The following KRIT1 variants were observed in gnomAD, a reference collection of about 807,000 sequenced individuals.
The protein encoded by KRIT1 is KRIT1 ankyrin repeat containing, also known as krev interaction trapped protein 1.
A neutral mutation model predicts 95.8 loss-of-function variants in KRIT1; 45 were observed. That is an observed-to-expected ratio of 0.47 (90% CI 0.37 to 0.60). KRIT1 has a LOEUF of 0.60. Ranked by LOEUF, KRIT1 falls within the 20% of genes least tolerant of loss-of-function variation. The pLI, the probability that KRIT1 is intolerant of heterozygous loss-of-function variation, is 0.00. For missense variants in KRIT1, 788 were observed against 877.5 expected (o/e 0.90, Z 1.29); for synonymous variants, 282 against 278.8 (o/e 1.01, Z -0.11).
rs1667569438 is a variant in KRIT1 at position 92,199,924 on chromosome 7, C to G, written c.*812G>C. On this transcript the variant is annotated 3_prime_UTR_variant, in exon 19 of 19. Transcript: ENST00000394505. Reference sequence around the variant, plus strand: ...TACTTTGAGAAACACTACTGTATATCAGATTTACATTTTAACTAAGACTTT... The same window carrying G: ...TACTTTGAGAAACACTACTGTATATGAGATTTACATTTTAACTAAGACTTT... 6.6e-6 allele frequency: 1 copy of G among 152,140 alleles called. No homozygotes were observed. Among genetic ancestry groups the G allele is most frequent in the Non-Finnish European group, 1.5e-5 (1 of 68,028 alleles). 9.4% of individuals were successfully genotyped at this position (152,140 alleles called of 1,614,324 possible).
At position 92,241,124 on chromosome 7, in the gene KRIT1, C is replaced by T. The variant is rs1421882812; in HGVS notation, c.131G>A (p.Gly44Glu). The change falls in exon 5 of 19, where the codon GGA (glycine) becomes GAA (glutamate). Residue 44 changes from glycine to glutamate, a missense_variant. Coordinates refer to ENST00000394505, the MANE Select transcript of KRIT1 (RefSeq NM_194454.3). Reference protein sequence around the residue: ...EILLHEVPIEGQKKKRKKVLL... With the variant: ...EILLHEVPIEEQKKKRKKVLL... ...AACTTTCTTTCTCTTTTTTTTCTGTCCTTCAATGGGAACTTCATGCAACAA... is the reference window on the plus strand; with the variant it reads ...AACTTTCTTTCTCTTTTTTTTCTGTTCTTCAATGGGAACTTCATGCAACAA... 1 of 1,610,360 alleles carries T rather than the reference C, an allele frequency of 6.2e-7. No homozygotes were observed. The highest frequency in any genetic ancestry group is 8.5e-7 in the Non-Finnish European group (1 of 1,177,216).
intron 4 of KRIT1, 96 bp downstream of exon 4, chr7:92,241,936 TTA>T (rs1563324646): frequency 4.0e-6 from 3 of 748,550 alleles, no homozygotes; most frequent in Admixed American, 2.2e-5. Flanking sequence ...AATTGGCTTG[TTA>T]ATACAACTTT....
intron 11 of KRIT1, 116 bp from the exon 12 acceptor site, chr7:92,225,943 A>G: frequency 4.5e-6 from 3 of 668,282 alleles, no homozygotes; most frequent in Middle Eastern, 3.1e-4. Context: ...CAAGTACTAA[A>G]GTAAATATTA....
rs1219681326 is a variant in KRIT1 at position 92,245,143 on chromosome 7, A to G, written c.-392T>C. 6.6e-6 allele frequency: 1 copy of G among 152,188 alleles called. No individual in the cohort carries two copies. The highest frequency in any genetic ancestry group is 1.5e-5 in the Non-Finnish European group (1 of 68,062). The allele number at this position is 152,188 out of a possible 1,614,324, so 9.4% of individuals were successfully genotyped here. A position where few individuals can be genotyped will look rare whatever the true frequency, so the allele number is the denominator to read the frequency against. On this transcript the variant is annotated 5_prime_UTR_variant, in exon 2 of 19. An upstream start codon of the reference 5' UTR is lost. Coordinates refer to ENST00000394505, the MANE Select transcript of KRIT1 (RefSeq NM_194454.3). Reference sequence around the variant, plus strand: ...AAAGACTTCTGGTGAGGCTAAAAACATGTAGAAAAAGCGATGAAAGCCAAA... The same window carrying G: ...AAAGACTTCTGGTGAGGCTAAAAACGTGTAGAAAAAGCGATGAAAGCCAAA...
At chr7:92,239,493 A>G (rs1799131078) in intron 5 of KRIT1, among the ~76,000 whole-genome samples, 1 of 152,174 alleles carries the variant, frequency 6.6e-6, no homozygotes, top group Admixed American at 6.5e-5. Context: ...TTATCAGAGA[A>G]GTCCAAGACT....
At chr7:92,201,618 G>A (rs1790166023) in intron 17 of KRIT1, 195 bp from the exon 18 acceptor site, 2 of 533,660 alleles carry the variant, frequency 3.7e-6, no homozygotes, top group East Asian at 6.8e-5. Flanking sequence ...CACATGCCAT[G>A]GTGGTTTGCT....
At chr7:92,235,011 A>C in intron 8 of KRIT1, 88 bp from the exon 9 acceptor site, 1 of 726,188 alleles carries the variant, frequency 1.4e-6, no homozygotes. Flanking sequence ...TTACTTATTT[A>C]TTTATTGAGA....
At chr7:92,218,580 A>G (rs952354766) in intron 14 of KRIT1, among the ~76,000 whole-genome samples, 6 of 151,688 alleles carry the variant, frequency 4.0e-5, no homozygotes, top group Non-Finnish European at 8.8e-5. Flanking sequence ...AAGTCTCACT[A>G]TGTTGCCCAG....
intron 3 of KRIT1, among the ~76,000 whole-genome samples, chr7:92,242,397 T>C (rs1799879997): frequency 6.6e-6 from 1 of 152,236 alleles, no homozygotes; most frequent in African/African-American, 2.4e-5. Context: ...GTATTTCTTT[T>C]TTCATTTTAA....
chr7:92,225,941 A>G, intron 11 of KRIT1, 114 bp from the exon 12 acceptor site: 2 of 674,604 alleles, frequency 3.0e-6, no homozygotes, highest in East Asian at 2.7e-5. Flanking sequence ...GTCAAGTACT[A>G]AAGTAAATAT....
intron 10 of KRIT1, among the ~76,000 whole-genome samples, chr7:92,229,287 C>G (rs925944974): frequency 1.3e-5 from 2 of 152,152 alleles, no homozygotes; most frequent in African/African-American, 4.8e-5. Flanking sequence ...GCCATTCTGA[C>G]TGGTGTGAGA....
chr7:92,230,724 T>C (rs907075837), intron 10 of KRIT1, among the ~76,000 whole-genome samples: 1 of 152,078 alleles, frequency 6.6e-6, no homozygotes, highest in East Asian at 1.9e-4. Context: ...ATAAGAAGAA[T>C]TTTTATGTGT....
Position 92,218,737 on chromosome 7 carries a change from C to G in KRIT1, c.1563+3165G>C, listed in dbSNP as rs150079451. On this transcript the variant is annotated intron_variant, in intron 14 of 18. Transcript: ENST00000394505. The stretch of plus-strand genomic sequence containing the variant: ...GAGTTGTAGGAGTTCTTTATATATT[C>G]TGGATAGTAAACCCTTATCTATGAT... Among the ~76,000 whole-genome samples the G allele has an allele frequency of 2.1e-4, 32 of 152,158 alleles. 1 individual carries two copies. Among genetic ancestry groups the G allele is most frequent in the Non-Finnish European group, 4.3e-4 (29 of 67,992 alleles).
At chr7:92,231,809 T>C (rs997934826) in intron 10 of KRIT1, among the ~76,000 whole-genome samples, 1 of 152,210 alleles carries the variant, frequency 6.6e-6, no homozygotes, top group Non-Finnish European at 1.5e-5. Flanking sequence ...AAAATTAATT[T>C]ATCCAAGTAT....
chr7:92,235,692 G>A (rs748594156), intron 7 of KRIT1, 46 bp from the exon 8 acceptor site: 2 of 1,593,566 alleles, frequency 1.3e-6, no homozygotes. Context: ...CGAAAGTGAA[G>A]ATGAAAAAGA....
intron 17 of KRIT1, among the ~76,000 whole-genome samples, chr7:92,202,508 G>A (rs1039451037): frequency 2.0e-5 from 3 of 152,168 alleles, no homozygotes; most frequent in African/African-American, 7.2e-5. Context: ...CAAAGAAAGT[G>A]TTCATGGCAT....
intron 2 of KRIT1, among the ~76,000 whole-genome samples, chr7:92,244,375 TTTAA>T: frequency 6.6e-6 from 1 of 152,332 alleles, no homozygotes; most frequent in Middle Eastern, 3.4e-3. Flanking sequence ...CTCTAGAATA[TTTAA>T]TTAATACTGC....
chr7:92,225,400 T>C (rs1432960594), intron 12 of KRIT1, among the ~76,000 whole-genome samples: 1 of 152,052 alleles, frequency 6.6e-6, no homozygotes, highest in African/African-American at 2.4e-5. Context: ...CTCCACCTCC[T>C]GGGTTCAAGC....
At chr7:92,241,618 G>C (rs1799662999) in intron 4 of KRIT1, among the ~76,000 whole-genome samples, 1 of 152,052 alleles carries the variant, frequency 6.6e-6, no homozygotes, top group Admixed American at 6.5e-5. Context: ...CAACACTACA[G>C]AAAAGTAACT....
Sources: gnomAD v4.1 joint callset for allele counts (sites outside exome capture counted in the v4.1 genomes callset) on GRCh38, gnomAD v4.1.1 for gene constraint, MANE v1.5 for transcripts, NCBI Gene and HGNC (gene_info 2026-07-23, HGNC 2026-07-21) for gene names.